PCDHGB3: variants seen among roughly 807,000 people sequenced by gnomAD.
The protein encoded by PCDHGB3 is protocadherin gamma-B3.
A neutral mutation model predicts 59.2 loss-of-function variants in PCDHGB3; 40 were observed. The observed-to-expected ratio is 0.68, with a 90% CI of 0.52 to 0.88. The LOEUF is 0.88. PCDHGB3 is among the 40% of genes least tolerant of loss of function. The pLI, the probability that PCDHGB3 is intolerant of heterozygous loss-of-function variation, is 0.00. For synonymous variants in PCDHGB3, 581 were observed against 503.6 expected, an observed-to-expected ratio of 1.15 and a Z score of -2.06; for missense variants, 1,309 against 1,187.9, an observed-to-expected ratio of 1.10 and a Z score of -1.50.
rs774630488 is a variant in PCDHGB3 at position 141,490,640 on chromosome 5, G to A, written c.2416-4167G>A. On this transcript the variant is annotated intron_variant, in intron 1 of 3. Transcript: ENST00000576222. The surrounding 1 kb of genome is among the most constrained non-coding windows in gnomAD (Gnocchi z 5.4). Reference sequence around the variant, plus strand: ...TACACTGCTTACATCCTAGAAAACCGGCCTCCGGGCTCCCTTCTTTGCACT... The same window carrying A: ...TACACTGCTTACATCCTAGAAAACCAGCCTCCGGGCTCCCTTCTTTGCACT... 2.6e-5 allele frequency: 42 copies of A among 1,614,004 alleles called. No individual in the cohort carries two copies. The highest frequency in any genetic ancestry group is 1.6e-4 in the Middle Eastern group (1 of 6,084).
At chr5:141,397,642 T>A (rs1015821056) in intron 1 of PCDHGB3, among the ~76,000 whole-genome samples, 1 of 152,236 alleles carries the variant, frequency 6.6e-6, no homozygotes, top group African/African-American at 2.4e-5. Context: ...GTTCAAGGTA[T>A]GTTTGCAGAA....
chr5:141,488,634 G>A (rs937680420), intron 1 of PCDHGB3, among the ~76,000 whole-genome samples: 4 of 152,150 alleles, frequency 2.6e-5, no homozygotes, highest in Non-Finnish European at 4.4e-5. Context: ...CACCTTAGCA[G>A]CATTCAGCAG....
chr5:141,392,857 T>TGCTGTGC, intron 1 of PCDHGB3: 1 of 1,612,536 alleles, frequency 6.2e-7, no homozygotes, highest in Non-Finnish European at 8.5e-7. Flanking sequence ...GAGCTGATCC[T>TGCTGTGC]GCTGTGCGCG....
intron 1 of PCDHGB3, among the ~76,000 whole-genome samples, chr5:141,474,142 T>G (rs2099344082): frequency 6.6e-6 from 1 of 152,212 alleles, no homozygotes; most frequent in African/African-American, 2.4e-5. Flanking sequence ...ACAGGCCTTA[T>G]TATCAAGAAA....
At chr5:141,395,468 C>T (rs909198422) in intron 1 of PCDHGB3, 2 of 569,714 alleles carry the variant, frequency 3.5e-6, no homozygotes, top group African/African-American at 3.8e-5. Flanking sequence ...TTAAGCCTTC[C>T]AGTATTTTAT....
At position 141,371,773 on chromosome 5, in the gene PCDHGB3, A is replaced by G. The variant is rs148367405; in HGVS notation, c.1379A>G (p.His460Arg). ...PVFHQASYTV[H>R]VAENNPPGAS... The stretch of plus-strand genomic sequence containing the variant: ...TTCCACCAGGCCTCCTACACCGTGC[A>G]TGTAGCTGAGAACAATCCGCCTGGA... The change falls in exon 1 of 4, where the codon CAT becomes CGT. Residue 460 changes from histidine (H) to arginine (R), a missense_variant. Physicochemically the swap from His to Arg is conservative, Grantham distance 29. Transcript: ENST00000576222. 1.2e-6 allele frequency: 2 copies of G among 1,614,020 alleles called. No individual in the cohort carries two copies. The highest frequency in any genetic ancestry group is 1.3e-5 in the African/African-American group (1 of 75,074).
At position 141,370,864 on chromosome 5, in the gene PCDHGB3, C is replaced by T. The variant is rs372472671; in HGVS notation, c.470C>T (p.Ala157Val). 2.7e-5 allele frequency: 43 copies of T among 1,614,034 alleles called. 1 individual carries two copies. The highest frequency in any genetic ancestry group is 3.6e-5 in the Non-Finnish European group (42 of 1,179,900). Residue 157 changes from alanine to valine, a missense_variant, in exon 1 of 4, where the codon GCG (alanine) becomes GTG (valine). Coordinates refer to ENST00000576222, the MANE Select transcript of PCDHGB3 (RefSeq NM_018924.5). ...LTGATFALES[A>V]QDPDVGVNSL... The stretch of plus-strand genomic sequence containing the variant: ...GGAGCCACATTTGCCCTGGAATCTG[C>T]GCAAGATCCTGATGTAGGTGTCAAT...
Position 141,485,626 on chromosome 5 carries a change from T to A in PCDHGB3, c.2416-9181T>A, listed in dbSNP as rs2099616815. 6.2e-7 allele frequency: 1 copy of A among 1,611,740 alleles called. No individual in the cohort carries two copies. On this transcript the variant is annotated intron_variant, in intron 1 of 3. Coordinates refer to ENST00000576222, the MANE Select transcript of PCDHGB3 (RefSeq NM_018924.5). This position sits in a 1 kb window ranked among gnomAD's most constrained non-coding sequence, Gnocchi z 5.7. Reference sequence around the variant, plus strand: ...GGGAGGCAGCTCCTCCAGGACAGCGTTTCCCGTTGGAAAAGGCTCAGGATG... The same window carrying A: ...GGGAGGCAGCTCCTCCAGGACAGCGATTCCCGTTGGAAAAGGCTCAGGATG...
In PCDHGB3 at chr5:141,375,764, G is replaced by A. The variant is rs746447899; in HGVS notation, c.2415+2955G>A. 1.7e-5 allele frequency: 27 copies of A among 1,614,116 alleles called. No individual in the cohort carries two copies. The highest frequency in any genetic ancestry group is 2.0e-5 in the Non-Finnish European group (24 of 1,180,044). ...GCTGGACCAGAATGACAATGCGCCCGAGATCCTGTACCCCGCCCTCCCCAC... is the reference window on the plus strand; with the variant it reads ...GCTGGACCAGAATGACAATGCGCCCAAGATCCTGTACCCCGCCCTCCCCAC... On this transcript the variant is annotated intron_variant, in intron 1 of 3. Transcript: ENST00000576222.
chr5:141,466,039 A>G (rs926979550), intron 1 of PCDHGB3, among the ~76,000 whole-genome samples: 1 of 152,122 alleles, frequency 6.6e-6, no homozygotes, highest in Non-Finnish European at 1.5e-5. Context: ...GGAGAACGGC[A>G]TGAACCCAGG....
At chr5:141,404,565 G>C in intron 1 of PCDHGB3, 2 of 1,613,910 alleles carry the variant, frequency 1.2e-6, no homozygotes. Flanking sequence ...AGTGACAGTG[G>C]AAGCCCACCA....
At chr5:141,427,770 C>T (rs775095791) in intron 1 of PCDHGB3, 2 of 1,399,194 alleles carry the variant, frequency 1.4e-6, no homozygotes, top group Non-Finnish European at 2.0e-6. Context: ...TGACTTGGAG[C>T]TGCGGGCACT....
Position 141,431,634 on chromosome 5 carries a change from T to C in PCDHGB3, c.2415+58825T>C. 2.5e-6 allele frequency: 4 copies of C among 1,614,238 alleles called. No homozygotes were observed. Among genetic ancestry groups the C allele is most frequent in the Non-Finnish European group, 3.4e-6 (4 of 1,180,044 alleles). ...GTGGACGACAAGGCGGCCCAAGTTTTCAAACTAGATTGTAATTCAGGGACA... is the reference window on the plus strand; with the variant it reads ...GTGGACGACAAGGCGGCCCAAGTTTCCAAACTAGATTGTAATTCAGGGACA... On this transcript the variant is annotated intron_variant, in intron 1 of 3. Coordinates refer to ENST00000576222, the MANE Select transcript of PCDHGB3 (RefSeq NM_018924.5). The surrounding 1 kb of genome is among the most constrained non-coding windows in gnomAD (Gnocchi z 4.8).
chr5:141,486,653 C>G lies in PCDHGB3; in HGVS notation c.2416-8154C>G. On this transcript the variant is annotated intron_variant, in intron 1 of 3. Transcript: ENST00000576222. This position sits in a 1 kb window ranked among gnomAD's most constrained non-coding sequence, Gnocchi z 5.0. ...CTTGAATGCGCTTATCTCCTACTCA[C>G]TCCTGGAGCCCAGGAATCGAGATGT... is the stretch of plus-strand genomic sequence containing the variant. 1 of 1,613,968 alleles carries G rather than the reference C, an allele frequency of 6.2e-7. No individual in the cohort carries two copies. Among genetic ancestry groups the G allele is most frequent in the Non-Finnish European group, 8.5e-7 (1 of 1,180,034 alleles).
intron 1 of PCDHGB3, chr5:141,390,223 G>A (rs137959577): frequency 3.7e-6 from 6 of 1,614,020 alleles, no homozygotes; most frequent in East Asian, 2.2e-5. Context: ...ATACTTTGCG[G>A]TGATTCATCT....
Position 141,383,405 on chromosome 5 carries a change from G to A in PCDHGB3, c.2415+10596G>A, listed in dbSNP as rs189408749. 100 of 1,614,016 alleles carry A rather than the reference G, an allele frequency of 6.2e-5. No individual in the cohort carries two copies. In the Middle Eastern group the frequency reaches 9.9e-4, roughly 16 times the overall value. ...GATGTGGGCACGAACTCCCTCCAGA[G>A]TTACCAGCTCAGCCCCAATCGCCAC... On this transcript the variant is annotated intron_variant, in intron 1 of 3. Coordinates refer to ENST00000576222, the MANE Select transcript of PCDHGB3 (RefSeq NM_018924.5).
At chr5:141,397,467 G>A (rs1052329651) in intron 1 of PCDHGB3, among the ~76,000 whole-genome samples, 1 of 152,176 alleles carries the variant, frequency 6.6e-6, no homozygotes, top group East Asian at 1.9e-4. Flanking sequence ...ATATTGGGGA[G>A]TTGGAAATCA....
Position 141,489,065 on chromosome 5 carries a change from C to T in PCDHGB3, c.2416-5742C>T, listed in dbSNP as rs558074504. On this transcript the variant is annotated intron_variant, in intron 1 of 3. Coordinates refer to ENST00000576222, the MANE Select transcript of PCDHGB3 (RefSeq NM_018924.5). This position sits in a 1 kb window ranked among gnomAD's most constrained non-coding sequence, Gnocchi z 4.5. ...CCACTCAAATTCAGCTCCCCTCCCC[C>T]CTGCCCACCCCCGCCACTCGGTGAC... 3.3e-5 allele frequency: 13 copies of T among 388,932 alleles called. 1 individual carries two copies. Among genetic ancestry groups the T allele is most frequent in the African/African-American group, 8.5e-5 (4 of 47,158 alleles). 24.1% of individuals were successfully genotyped at this position (388,932 alleles called of 1,614,324 possible).
Position 141,485,863 on chromosome 5 carries a change from A to G in PCDHGB3, c.2416-8944A>G, listed in dbSNP as rs770864367. 78 of 1,614,054 alleles carry G rather than the reference A, an allele frequency of 4.8e-5. No individual in the cohort carries two copies. Among genetic ancestry groups the G allele is most frequent in the Non-Finnish European group, 6.0e-5 (71 of 1,180,040 alleles). ...GATCTGGCACCGCAGAGCTCCGGGT[A>G]TCCGTGCTGGACGTAAACGACAACG... On this transcript the variant is annotated intron_variant, in intron 1 of 3. Coordinates refer to ENST00000576222, the MANE Select transcript of PCDHGB3 (RefSeq NM_018924.5). The surrounding 1 kb of genome is among the most constrained non-coding windows in gnomAD (Gnocchi z 5.7).
Sources: gnomAD v4.1 joint callset for allele counts (sites outside exome capture counted in the v4.1 genomes callset) on GRCh38, gnomAD v4.1.1 for gene constraint, Gnocchi (gnomAD v3.1) non-coding constraint, MANE v1.5 for transcripts, NCBI Gene and HGNC (gene_info 2026-07-23, HGNC 2026-07-21) for gene names.